The following LRTM3 variants were observed in gnomAD, a reference collection of about 807,000 sequenced individuals.
LRTM3 encodes leucine-rich repeat transmembrane protein 3.
the LRTM3 span, chr13:102,749,557 T>G: frequency 6.4e-7 from 1 of 1,551,388 alleles, no homozygotes; most frequent in African/African-American, 1.4e-5. Flanking sequence ...TTACTGAATA[T>G]TTTGCCTCAA....
At chr13:102,732,323 T>C in the LRTM3 span, 18 of 1,551,390 alleles carry the variant, frequency 1.2e-5, no homozygotes, top group Non-Finnish European at 1.4e-5. Flanking sequence ...CTTAACATCA[T>C]ACTCTAATTT....
chr13:102,749,109 A>G, the LRTM3 span: 1 of 1,549,816 alleles, frequency 6.5e-7, no homozygotes, highest in Non-Finnish European at 8.7e-7. Context: ...CTTTCATGTA[A>G]TTCTTTCTTC....
the LRTM3 span, chr13:102,730,028 T>C: frequency 6.4e-7 from 1 of 1,551,556 alleles, no homozygotes; most frequent in Non-Finnish European, 8.7e-7. Context: ...TGACCTAGAC[T>C]GAATTTCCGC....
the LRTM3 span, chr13:102,732,712 C>A: frequency 6.4e-7 from 1 of 1,551,220 alleles, no homozygotes; most frequent in South Asian, 1.2e-5. Flanking sequence ...TTCCTCTCTC[C>A]TTCTCCAGAT....
the LRTM3 span, chr13:102,741,084 T>A: frequency 6.5e-7 from 1 of 1,549,972 alleles, no homozygotes; most frequent in African/African-American, 1.4e-5. Flanking sequence ...GGATTTTCAA[T>A]ATAAAGTTGA....
the LRTM3 span, chr13:102,729,860 G>C: frequency 6.4e-7 from 1 of 1,551,786 alleles, no homozygotes; most frequent in Non-Finnish European, 8.7e-7. Flanking sequence ...ATCAGATCTG[G>C]CCTTCTTTCT....
chr13:102,754,264 A>G, the LRTM3 span, among the ~76,000 whole-genome samples: 1 of 151,676 alleles, frequency 6.6e-6, no homozygotes, highest in Middle Eastern at 3.4e-3. Context: ...CCAATAATCC[A>G]ATGTAAGATC....
At chr13:102,742,429 C>T in the LRTM3 span, 1 of 1,547,342 alleles carries the variant, frequency 6.5e-7, no homozygotes. Flanking sequence ...GTTTCTTTGG[C>T]AGGGCAAATG....
the LRTM3 span, chr13:102,730,272 C>T: frequency 1.9e-6 from 3 of 1,551,362 alleles, no homozygotes; most frequent in Non-Finnish European, 2.6e-6. Context: ...AGAATGTTTT[C>T]TGATTCCTGA....
At chr13:102,745,444 C>A in the LRTM3 span, 2 of 1,550,932 alleles carry the variant, frequency 1.3e-6, 1 homozygote, top group Admixed American at 3.9e-5. Context: ...CATCTACCCC[C>A]TTTTTGCCTT....
chr13:102,734,477 C>T, the LRTM3 span: 2 of 1,551,294 alleles, frequency 1.3e-6, no homozygotes, highest in Non-Finnish European at 8.7e-7. Context: ...TCGTCCTTGC[C>T]CTCCAATGTT....
chr13:102,740,056 C>T, the LRTM3 span: 1 of 1,550,200 alleles, frequency 6.5e-7, no homozygotes, highest in Non-Finnish European at 8.7e-7. Context: ...GCAAAATAGG[C>T]ATGGATGCAG....
At chr13:102,732,335 T>C in the LRTM3 span, 5 of 1,551,412 alleles carry the variant, frequency 3.2e-6, no homozygotes, top group Non-Finnish European at 4.4e-6. Flanking sequence ...CTCTAATTTC[T>C]TTCTATTGCT....
the LRTM3 span, chr13:102,733,899 C>A: frequency 6.4e-7 from 1 of 1,551,248 alleles, no homozygotes; most frequent in Non-Finnish European, 8.7e-7. Context: ...TCAACTGAGT[C>A]TCTATTTGTT....
At chr13:102,741,207 T>C in the LRTM3 span, 1 of 1,550,068 alleles carries the variant, frequency 6.5e-7, no homozygotes, top group Admixed American at 2.0e-5. Context: ...CTATTTGATT[T>C]TAATGTAATA....
chr13:102,743,625 A>C, the LRTM3 span: 10 of 1,550,310 alleles, frequency 6.5e-6, no homozygotes, highest in Non-Finnish European at 8.7e-6. Context: ...GGACCCAGGA[A>C]AGTTGCAGGT....
chr13:102,747,085 G>A, the LRTM3 span: 23 of 1,550,828 alleles, frequency 1.5e-5, no homozygotes, highest in African/African-American at 2.7e-5. Flanking sequence ...TTTCTTTGAC[G>A]CCTTTTACTT....
the LRTM3 span, chr13:102,735,730 A>G: frequency 1.9e-6 from 3 of 1,549,616 alleles, no homozygotes; most frequent in Admixed American, 3.9e-5. Context: ...GTGACTCAGT[A>G]TATGCTTTTT....
chr13:102,758,399 A>AT, the LRTM3 span: 2 of 1,510,082 alleles, frequency 1.3e-6, no homozygotes, highest in Non-Finnish European at 1.8e-6. Context: ...TTTTTGTGAT[A>AT]TATCACATAC....
Sources: gnomAD v4.1 joint callset for allele counts (sites outside exome capture counted in the v4.1 genomes callset) on GRCh38, gnomAD v4.1.1 for gene constraint, MANE v1.5 for transcripts, NCBI Gene and HGNC (gene_info 2026-07-23, HGNC 2026-07-21) for gene names.